The following GPM6B variants were observed in gnomAD, a reference collection of about 807,000 sequenced individuals.
GPM6B encodes glycoprotein M6B.
In GPM6B, 4 loss-of-function variants were observed where a neutral mutation model predicts 27.2. That is an observed-to-expected ratio of 0.15 (90% CI 0.07 to 0.34). The LOEUF is 0.34. Among genes scored for constraint, GPM6B ranks in the 10% least tolerant of loss-of-function variants. The pLI is 1.00. For synonymous variants in GPM6B, 124 were observed against 103.1 expected, an observed-to-expected ratio of 1.20 and a Z score of -1.23; for missense variants, 183 against 261.9, an observed-to-expected ratio of 0.70 and a Z score of 2.08.
chrX:13,938,472 C>T, upstream of GPM6B: 3 of 917,478 alleles, frequency 3.3e-6, no homozygotes, highest in Non-Finnish European at 4.1e-6. Flanking sequence ...GGCGCGAGAC[C>T]GTGGCCGTGG....
In GPM6B at chrX:13,854,579, G is replaced by A. The variant is rs1215063146; in HGVS notation, c.-197-68771C>T. 3.6e-5 allele frequency among the ~76,000 whole-genome samples: 4 copies of A among 112,186 alleles called. No individual in the cohort carries two copies. In the South Asian group the frequency reaches 1.5e-3, roughly 42 times the overall value. On this transcript the variant is annotated intron_variant, in intron 1 of 6. Coordinates refer to the GPM6B transcript ENST00000398361. ...TGAAACCAAAATTACAGCTAGACAG[G>A]AGGAATAAGTTTTAGTGTTCTATAC...
intron 1 of GPM6B, among the ~76,000 whole-genome samples, chrX:13,923,748 G>A (rs888553135): frequency 1.7e-4 from 19 of 112,036 alleles, no homozygotes; most frequent in African/African-American, 2.3e-4. Flanking sequence ...ATAAAAACTG[G>A]CCTTTTTTCT....
chrX:13,792,748 A>T (rs867880078), intron 2 of GPM6B, among the ~76,000 whole-genome samples: 6 of 110,736 alleles, frequency 5.4e-5, no homozygotes, highest in African/African-American at 3.3e-5. Context: ...AAAAACACAA[A>T]AATTAGCTGG....
intron 1 of GPM6B, among the ~76,000 whole-genome samples, chrX:13,871,941 TGTG>T (rs1340004897): frequency 3.6e-5 from 4 of 111,586 alleles, no homozygotes; most frequent in Non-Finnish European, 7.5e-5. Context: ...TTCTTCCAGG[TGTG>T]GTGGTCTTCC....
intron 1 of GPM6B, among the ~76,000 whole-genome samples, chrX:13,843,278 TTTC>T (rs1366518578): frequency 8.9e-6 from 1 of 112,355 alleles, no homozygotes; most frequent in Admixed American, 9.4e-5. Context: ...TAGTATTTCC[TTTC>T]TTTTTATTGC....
At chrX:13,854,167 G>A (rs749436669) in intron 1 of GPM6B, among the ~76,000 whole-genome samples, 1 of 111,625 alleles carries the variant, frequency 9.0e-6, no homozygotes. Flanking sequence ...GTCTGGAACC[G>A]CTTCACACCA....
At chrX:13,913,307 G>A (rs1446210262) in intron 1 of GPM6B, among the ~76,000 whole-genome samples, 1 of 88,059 alleles carries the variant, frequency 1.1e-5, no homozygotes, top group Non-Finnish European at 2.3e-5. Context: ...GCACCACCAT[G>A]CCTGGCTAAT....
intron 1 of GPM6B, among the ~76,000 whole-genome samples, chrX:13,850,714 C>T (rs192246715): frequency 8.9e-6 from 1 of 112,292 alleles, no homozygotes; most frequent in African/African-American, 3.2e-5. Flanking sequence ...AAATATCTTT[C>T]ACAAAGTCAA....
At chrX:13,835,376 C>T (rs993463439) in intron 1 of GPM6B, among the ~76,000 whole-genome samples, 4 of 112,132 alleles carry the variant, frequency 3.6e-5, no homozygotes, top group African/African-American at 6.5e-5. Flanking sequence ...GTGGCAAGCA[C>T]GGCTTCCTAG....
At chrX:13,802,754 C>CTG (rs770802349) in intron 2 of GPM6B, among the ~76,000 whole-genome samples, 150 of 111,901 alleles carry the variant, frequency 1.3e-3, no homozygotes, top group Middle Eastern at 4.6e-3. Context: ...CGTGCTTCCA[C>CTG]TGTGTTCACC....
chrX:13,861,077 C>T (rs2049844387), intron 1 of GPM6B, among the ~76,000 whole-genome samples: 1 of 107,438 alleles, frequency 9.3e-6, no homozygotes, highest in Non-Finnish European at 1.9e-5. Flanking sequence ...CATATATATA[C>T]ATATACACAC....
intron 1 of GPM6B, among the ~76,000 whole-genome samples, chrX:13,926,211 G>T (rs371657751): frequency 1.9e-5 from 2 of 107,278 alleles, no homozygotes; most frequent in Non-Finnish European, 3.8e-5. Flanking sequence ...AGACCATCCT[G>T]GCTAACGCGG....
chrX:13,817,303 C>G (rs773704433), upstream of GPM6B: 1 of 258,205 alleles, frequency 3.9e-6, no homozygotes, highest in African/African-American at 3.4e-5. Context: ...CAATCTCGAT[C>G]TCTCTCTCTC....
At chrX:13,853,203 C>T (rs914774279) in intron 1 of GPM6B, among the ~76,000 whole-genome samples, 4 of 111,284 alleles carry the variant, frequency 3.6e-5, no homozygotes, top group African/African-American at 1.3e-4. Context: ...CCAAAGACCA[C>T]CCCATGTTCT....
At chrX:13,931,147 G>A (rs1921496997) in intron 1 of GPM6B, among the ~76,000 whole-genome samples, 1 of 111,444 alleles carries the variant, frequency 9.0e-6, no homozygotes, top group Non-Finnish European at 1.9e-5. Context: ...TCACACCACT[G>A]CACTTCAGCC....
intron 1 of GPM6B, among the ~76,000 whole-genome samples, chrX:13,880,487 T>A (rs746720811): frequency 4.6e-4 from 50 of 109,103 alleles, no homozygotes; most frequent in African/African-American, 1.6e-3. Flanking sequence ...CATCCCTGGC[T>A]AACATGGTGA....
At chrX:13,786,192 G>C (rs915870537) in intron 2 of GPM6B, among the ~76,000 whole-genome samples, 1 of 112,476 alleles carries the variant, frequency 8.9e-6, no homozygotes, top group African/African-American at 3.2e-5. Context: ...TCAAAAGAGA[G>C]GACAGCAGTG....
At chrX:13,916,581 A>C (rs1258392311) in intron 1 of GPM6B, among the ~76,000 whole-genome samples, 1 of 111,043 alleles carries the variant, frequency 9.0e-6, no homozygotes, top group Non-Finnish European at 1.9e-5. Flanking sequence ...CCAGGCACCC[A>C]CGCCAAGCTA....
chrX:13,773,944 A>G, intron 7 of GPM6B: 2 of 713,021 alleles, frequency 2.8e-6, no homozygotes, highest in Non-Finnish European at 3.3e-6. Context: ...AACTACCCAC[A>G]TATAAATCCT....
Sources: allele counts gnomAD v4.1 joint callset (sites outside exome capture counted in the v4.1 genomes callset), GRCh38; gene constraint gnomAD v4.1.1; transcripts MANE v1.5; gene names NCBI Gene and HGNC (gene_info 2026-07-23, HGNC 2026-07-21).